SFMBT1: variants seen among roughly 807,000 people sequenced by gnomAD.
SFMBT1 encodes scm-like with four MBT domains protein 1.
SFMBT1 carries 32 observed loss-of-function variants against 108.7 expected under a neutral mutation model. The ratio of observed to expected loss-of-function variants is 0.29; its 90% CI spans 0.22 to 0.40. SFMBT1 has a LOEUF of 0.40. Ranked by LOEUF, SFMBT1 falls within the 10% of genes least tolerant of loss-of-function variation. The pLI, the probability that SFMBT1 is intolerant of heterozygous loss-of-function variation, is 1.00. For synonymous variants in SFMBT1, 348 were observed against 369.5 expected (o/e 0.94, Z 0.67); for missense variants, 816 against 1,059.6 (o/e 0.77, Z 3.19).
intron 1 of SFMBT1, among the ~76,000 whole-genome samples, chr3:53,010,423 A>G (rs535274083): frequency 1.3e-5 from 2 of 152,356 alleles, no homozygotes; most frequent in South Asian, 4.1e-4. Flanking sequence ...GGAAAGTAGC[A>G]CATGGGTCCT....
At chr3:52,946,678 C>T (rs1390339962) in intron 3 of SFMBT1, among the ~76,000 whole-genome samples, 2 of 152,112 alleles carry the variant, frequency 1.3e-5, no homozygotes, top group Non-Finnish European at 1.5e-5. Context: ...TACATACATA[C>T]ATGAATTTCT....
chr3:53,017,432 G>A (rs1699162673), intron 1 of SFMBT1, among the ~76,000 whole-genome samples: 1 of 152,136 alleles, frequency 6.6e-6, no homozygotes, highest in Non-Finnish European at 1.5e-5. Context: ...GCTAGGTACT[G>A]TTCCAGGATC....
In SFMBT1 at chr3:53,016,074, C is replaced by T. The variant is rs1699115019; in HGVS notation, c.-131+29742G>A. Among the ~76,000 whole-genome samples, 6 of 151,950 alleles carry T rather than the reference C, an allele frequency of 3.9e-5. 1 individual carries two copies. In the South Asian group the frequency reaches 1.2e-3, roughly 32 times the overall value. On this transcript the variant is annotated intron_variant, in intron 1 of 20. Transcript: ENST00000394752. Reference sequence around the variant, plus strand: ...GATTTAGAATACTGTCTTTCTAGCACCCTACTTTTAGCAGTAAAAGAAAAT... The same window carrying T: ...GATTTAGAATACTGTCTTTCTAGCATCCTACTTTTAGCAGTAAAAGAAAAT...
intron 9 of SFMBT1, among the ~76,000 whole-genome samples, chr3:52,926,834 A>T (rs1006138901): frequency 6.6e-6 from 1 of 152,026 alleles, no homozygotes; most frequent in African/African-American, 2.4e-5. Context: ...CAGAGAGCTT[A>T]ATGTCTCACA....
intron 9 of SFMBT1, among the ~76,000 whole-genome samples, chr3:52,926,417 A>C (rs1420017229): frequency 2.6e-5 from 4 of 152,372 alleles, no homozygotes; most frequent in Non-Finnish European, 5.9e-5. Flanking sequence ...ATTTACCAAA[A>C]GAATTTAAGA....
At chr3:53,008,792 C>A (rs533841115) in intron 1 of SFMBT1, among the ~76,000 whole-genome samples, 1 of 151,956 alleles carries the variant, frequency 6.6e-6, no homozygotes, top group Non-Finnish European at 1.5e-5. Context: ...CCCGCCACCA[C>A]GCCCGGCTAA....
chr3:52,972,286 A>G (rs1339751911), intron 1 of SFMBT1, among the ~76,000 whole-genome samples: 2 of 152,228 alleles, frequency 1.3e-5, no homozygotes, highest in East Asian at 3.9e-4. Context: ...GCAGAAAGCT[A>G]AGGCTGTGAC....
chr3:52,918,119 C>T (rs1559509939), intron 13 of SFMBT1, among the ~76,000 whole-genome samples: 2 of 152,188 alleles, frequency 1.3e-5, no homozygotes. Context: ...TCTTTTAGAG[C>T]TGTCTTCTAC....
At chr3:52,922,624 G>A (rs1361534588) in intron 10 of SFMBT1, among the ~76,000 whole-genome samples, 1 of 152,194 alleles carries the variant, frequency 6.6e-6, no homozygotes, top group African/African-American at 2.4e-5. Context: ...CAGGTACTAG[G>A]CAACTGGAGG....
intron 3 of SFMBT1, among the ~76,000 whole-genome samples, chr3:52,953,573 T>C (rs968897385): frequency 2.6e-4 from 40 of 152,124 alleles, no homozygotes; most frequent in Admixed American, 2.6e-3. Context: ...TGTTAGGGCA[T>C]AAAACCAGGC....
At chr3:52,993,481 A>C (rs1225014080) in intron 1 of SFMBT1, among the ~76,000 whole-genome samples, 3 of 150,110 alleles carry the variant, frequency 2.0e-5, no homozygotes, top group Non-Finnish European at 4.5e-5. Flanking sequence ...GCTAGCAGTA[A>C]ATTTCTATAC....
intron 1 of SFMBT1, among the ~76,000 whole-genome samples, chr3:52,981,164 GAAA>G (rs35322172): frequency 1.9e-5 from 2 of 107,414 alleles, no homozygotes; most frequent in Non-Finnish European, 3.8e-5. Flanking sequence ...TTCCATCTCA[GAAA>G]AAAAAAAAAA....
intron 2 of SFMBT1, among the ~76,000 whole-genome samples, chr3:52,968,890 G>T (rs1334017536): frequency 1.3e-5 from 2 of 152,060 alleles, no homozygotes; most frequent in African/African-American, 4.8e-5. Context: ...ACCGCGCCCG[G>T]CCTTGTTCAT....
intron 17 of SFMBT1, among the ~76,000 whole-genome samples, chr3:52,908,072 C>CTTTT (rs917544866): frequency 3.0e-5 from 4 of 134,516 alleles, no homozygotes; most frequent in Non-Finnish European, 6.5e-5. Flanking sequence ...TTGTGTGTGA[C>CTTTT]TTTTTTTTTT....
At chr3:53,040,963 C>G (rs555788701) in intron 1 of SFMBT1, among the ~76,000 whole-genome samples, 2 of 100,596 alleles carry the variant, frequency 2.0e-5, no homozygotes, top group East Asian at 4.6e-4. Flanking sequence ...CACCAAGACA[C>G]CTGAATTTTT....
chr3:52,930,307 A>G (rs774344758), intron 8 of SFMBT1, 22 bp downstream of exon 8: 1 of 1,421,600 alleles, frequency 7.0e-7, no homozygotes, highest in Middle Eastern at 1.8e-4. Context: ...GATTCTTACC[A>G]AGAGAGTTAT....
rs1220641957 is a variant in SFMBT1, at chr3:52,968,988, A to G, written c.28+113T>C. The G allele has an allele frequency of 3.9e-6, 5 of 1,280,210 alleles. No individual in the cohort carries two copies. In the African/African-American group the frequency reaches 5.9e-5, roughly 15 times the overall value. 79.3% of individuals were successfully genotyped at this position (1,280,210 alleles called of 1,614,324 possible). ...GTACAGAAGATGGCAATGAAAAACAACTTAAGACTTCAAAGAGCTTCCAGT... is the reference window on the plus strand; with the variant it reads ...GTACAGAAGATGGCAATGAAAAACAGCTTAAGACTTCAAAGAGCTTCCAGT... On this transcript the variant is annotated intron_variant, in intron 2 of 20. Transcript: ENST00000394752.
chr3:53,037,605 A>G (rs766811218), intron 1 of SFMBT1, among the ~76,000 whole-genome samples: 1 of 152,210 alleles, frequency 6.6e-6, no homozygotes, highest in Non-Finnish European at 1.5e-5. Context: ...TATAACAACA[A>G]TAATACACCC....
At position 52,946,776 on chromosome 3, in the gene SFMBT1, C is replaced by CTTT. The variant is rs34235258; in HGVS notation, c.124-3186_124-3184dup. On this transcript the variant is annotated intron_variant, in intron 3 of 20. Coordinates refer to ENST00000394752, the MANE Select transcript of SFMBT1 (RefSeq NM_016329.4). ...TATGAGAAATCCTTTTGCTCCATTC[C>CTTT]TTTTTTTTTTTTTGAGACAGAGTCT... is the stretch of plus-strand genomic sequence containing the variant. 2.2e-3 allele frequency among the ~76,000 whole-genome samples: 320 copies of CTTT among 145,194 alleles called. 7 individuals carry two copies. Among genetic ancestry groups the CTTT allele is most frequent in the South Asian group, 6.2e-3 (29 of 4,654 alleles).
Sources: gnomAD v4.1 joint callset for allele counts (sites outside exome capture counted in the v4.1 genomes callset) on GRCh38, gnomAD v4.1.1 for gene constraint, MANE v1.5 for transcripts, NCBI Gene and HGNC (gene_info 2026-07-23, HGNC 2026-07-21) for gene names.